The following MACROD2 variants were observed in gnomAD, a reference collection of about 807,000 sequenced individuals.
MACROD2 encodes ADP-ribose glycohydrolase MACROD2.
Under a neutral mutation model 70.4 loss-of-function variants are expected in MACROD2, and 36 were observed. That is an observed-to-expected ratio of 0.51 (90% CI 0.39 to 0.68). The LOEUF (loss-of-function observed/expected upper bound fraction) is 0.68. Ranked by LOEUF, MACROD2 falls within the 30% of genes least tolerant of loss-of-function variation. The pLI is 0.00. For synonymous variants in MACROD2, 172 were observed against 178.8 expected, an observed-to-expected ratio of 0.96 and a Z score of 0.30; for missense variants, 496 against 538.4, an observed-to-expected ratio of 0.92 and a Z score of 0.78.
intron 5 of MACROD2, among the ~76,000 whole-genome samples, chr20:15,122,118 T>A (rs2076035362): frequency 6.6e-6 from 1 of 152,202 alleles, no homozygotes; most frequent in South Asian, 2.1e-4. Context: ...ACAAACAAAA[T>A]GATGAGAGAA....
At chr20:14,528,017 G>A (rs184301221) in intron 4 of MACROD2, among the ~76,000 whole-genome samples, 125 of 152,014 alleles carry the variant, frequency 8.2e-4, no homozygotes, top group Middle Eastern at 3.4e-3. Context: ...ATCCTCAATA[G>A]CCATCAGTAT....
In MACROD2 at chr20:14,872,708, A is replaced by G. The variant is rs1398910572; in HGVS notation, c.418+187749A>G. On this transcript the variant is annotated intron_variant, in intron 5 of 17. Transcript: ENST00000684519. The stretch of plus-strand genomic sequence containing the variant: ...AGCAAAAAATATAGGAATATTACCC[A>G]TTATCATTATTATTTTCATCACTAA... Among the ~76,000 whole-genome samples the G allele has an allele frequency of 2.6e-5, 4 of 152,110 alleles. No individual in the cohort carries two copies. In the East Asian group the frequency reaches 5.8e-4, roughly 22 times the overall value.
At chr20:15,917,784 A>G (rs924097611) in intron 10 of MACROD2, among the ~76,000 whole-genome samples, 8 of 152,114 alleles carry the variant, frequency 5.3e-5, no homozygotes, top group African/African-American at 1.7e-4. Flanking sequence ...TACTTAGCCC[A>G]TGAGTTGACA....
chr20:14,028,084 GA>G (rs985486946), intron 2 of MACROD2, among the ~76,000 whole-genome samples: 1 of 152,246 alleles, frequency 6.6e-6, no homozygotes, highest in Non-Finnish European at 1.5e-5. Flanking sequence ...GACTGGGGCT[GA>G]TGCCTTTCTT....
chr20:15,490,701 C>T (rs765511009), intron 7 of MACROD2, among the ~76,000 whole-genome samples: 1 of 152,104 alleles, frequency 6.6e-6, no homozygotes, highest in Non-Finnish European at 1.5e-5. Flanking sequence ...GGAGCCATCA[C>T]GAGTGGGGAG....
intron 8 of MACROD2, among the ~76,000 whole-genome samples, chr20:15,588,010 C>T (rs2048626112): frequency 6.6e-6 from 1 of 152,206 alleles, no homozygotes; most frequent in South Asian, 2.1e-4. Context: ...CATTTTCCTT[C>T]CACATTGCAC....
At chr20:14,067,788 A>G (rs114834605) in intron 2 of MACROD2, among the ~76,000 whole-genome samples, 26 of 152,258 alleles carry the variant, frequency 1.7e-4, no homozygotes, top group Middle Eastern at 3.4e-3. Context: ...TTCTGGATCT[A>G]TTTTTACCCT....
chr20:14,807,475 A>G (rs1405211853), intron 5 of MACROD2, among the ~76,000 whole-genome samples: 1 of 152,140 alleles, frequency 6.6e-6, no homozygotes, highest in African/African-American at 2.4e-5. Flanking sequence ...TAAACCCACG[A>G]AGATGAGGAA....
intron 6 of MACROD2, among the ~76,000 whole-genome samples, chr20:15,427,923 A>G (rs2146351844): frequency 6.6e-6 from 1 of 152,246 alleles, no homozygotes; most frequent in South Asian, 2.1e-4. Context: ...ACAACTGGAG[A>G]GATGCTACTG....
chr20:14,195,640 AAGT>A (rs1408815091), intron 3 of MACROD2, among the ~76,000 whole-genome samples: 5 of 152,006 alleles, frequency 3.3e-5, no homozygotes, highest in Non-Finnish European at 7.4e-5. Context: ...AACACATCAG[AAGT>A]AGACAGAAGT....
At position 16,051,475 on chromosome 20, in the gene MACROD2, A is replaced by G. The variant is rs2067457642; in HGVS notation, c.*1599A>G. 6.6e-6 allele frequency: 1 copy of G among 152,132 alleles called. No homozygotes were observed. The highest frequency in any genetic ancestry group is 1.5e-5 in the Non-Finnish European group (1 of 68,028). 9.4% of individuals were successfully genotyped at this position (152,132 alleles called of 1,614,324 possible). On this transcript the variant is annotated 3_prime_UTR_variant, in exon 18 of 18. Coordinates refer to ENST00000684519, the MANE Select transcript of MACROD2 (RefSeq NM_001351661.2). Reference sequence around the variant, plus strand: ...TAACAAGCTATACTTCAGCATATGCACTATATTCTAACAAATTTTTTTTAA... The same window carrying G: ...TAACAAGCTATACTTCAGCATATGCGCTATATTCTAACAAATTTTTTTTAA...
chr20:14,042,867 C>T (rs2053412695), intron 2 of MACROD2, among the ~76,000 whole-genome samples: 1 of 151,878 alleles, frequency 6.6e-6, no homozygotes, highest in East Asian at 1.9e-4. Context: ...AGGGTTCAGT[C>T]TCACAAAACT....
At chr20:14,035,955 A>G (rs1404872798) in intron 2 of MACROD2, among the ~76,000 whole-genome samples, 3 of 152,206 alleles carry the variant, frequency 2.0e-5, no homozygotes, top group African/African-American at 7.2e-5. Context: ...ATCCTGGCTA[A>G]CATGGTGAAA....
intron 5 of MACROD2, among the ~76,000 whole-genome samples, chr20:14,754,309 A>G (rs907793600): frequency 6.6e-6 from 1 of 152,118 alleles, no homozygotes; most frequent in African/African-American, 2.4e-5. Context: ...CAGATCTATC[A>G]TGTCCTGAGC....
In MACROD2 at chr20:14,064,332, A is replaced by C. The variant is rs536551247; in HGVS notation, c.164-21289A>C. 2.6e-5 allele frequency among the ~76,000 whole-genome samples: 4 copies of C among 152,230 alleles called. No homozygotes were observed. In the East Asian group the frequency reaches 7.7e-4, roughly 29 times the overall value. ...CACTACCACATGATGGTGTCTCCTA[A>C]ATCTACATCTCTAGCCTGAAAACCT... On this transcript the variant is annotated intron_variant, in intron 2 of 17. Transcript: ENST00000684519.
At chr20:15,025,701 G>A (rs1429310499) in intron 5 of MACROD2, among the ~76,000 whole-genome samples, 11 of 152,082 alleles carry the variant, frequency 7.2e-5, no homozygotes, top group Admixed American at 7.2e-4. Context: ...CTTTGGTCTG[G>A]AGTAGGGAGG....
intron 5 of MACROD2, among the ~76,000 whole-genome samples, chr20:15,183,968 G>T (rs1183480523): frequency 5.3e-5 from 8 of 152,130 alleles, no homozygotes; most frequent in African/African-American, 1.9e-4. Flanking sequence ...AACTAGACTG[G>T]GTGTGAGGCA....
intron 5 of MACROD2, among the ~76,000 whole-genome samples, chr20:15,221,074 C>T (rs909592600): frequency 6.6e-6 from 1 of 152,162 alleles, no homozygotes; most frequent in Non-Finnish European, 1.5e-5. Flanking sequence ...CTAGATTCTG[C>T]ATTTGTAGAA....
At chr20:15,631,669 C>T (rs2049292818) in intron 8 of MACROD2, among the ~76,000 whole-genome samples, 1 of 152,154 alleles carries the variant, frequency 6.6e-6, no homozygotes, top group Non-Finnish European at 1.5e-5. Context: ...AATGCCCCTT[C>T]TACTCTGCTG....
Sources: allele counts gnomAD v4.1 joint callset (sites outside exome capture counted in the v4.1 genomes callset), GRCh38; gene constraint gnomAD v4.1.1; transcripts MANE v1.5; gene names NCBI Gene and HGNC (gene_info 2026-07-23, HGNC 2026-07-21).